TTC28: variants seen among roughly 807,000 people sequenced by gnomAD.
TTC28 encodes the protein tetratricopeptide repeat domain 28.
In TTC28, 61 loss-of-function variants were observed where a neutral mutation model predicts 198.0. The ratio of observed to expected loss-of-function variants is 0.31; its 90% confidence interval spans 0.25 to 0.38. TTC28 has a LOEUF of 0.38. Ranked by LOEUF, TTC28 falls within the 10% of genes least tolerant of loss-of-function variation. The pLI, the probability that TTC28 is intolerant of heterozygous loss-of-function variation, is 1.00. For missense variants in TTC28, 2,678 were observed against 3,164.0 expected (o/e 0.85, Z 3.69); for synonymous variants, 1,171 against 1,297.8 (o/e 0.90, Z 2.10).
At chr22:28,318,993 T>A (rs2045401303) in intron 2 of TTC28, among the ~76,000 whole-genome samples, 1 of 151,690 alleles carries the variant, frequency 6.6e-6, no homozygotes, top group African/African-American at 2.4e-5. Context: ...TAATTTTTAA[T>A]TAAAAAAAAT....
intron 5 of TTC28, among the ~76,000 whole-genome samples, chr22:28,203,227 T>G (rs1926121381): frequency 6.6e-6 from 1 of 152,128 alleles, no homozygotes; most frequent in Non-Finnish European, 1.5e-5. Flanking sequence ...AGCAAGTCAC[T>G]GAATCTTCTG....
intron 2 of TTC28, among the ~76,000 whole-genome samples, chr22:28,578,093 C>T (rs2050178809): frequency 6.6e-6 from 1 of 151,984 alleles, no homozygotes; most frequent in African/African-American, 2.4e-5. Context: ...TCAGGTGATA[C>T]TTTTTAACTT....
intron 12 of TTC28, among the ~76,000 whole-genome samples, chr22:28,076,953 T>G (rs546823944): frequency 1.2e-4 from 18 of 152,336 alleles, no homozygotes; most frequent in African/African-American, 4.1e-4. Flanking sequence ...TGCATCTATC[T>G]GTATTCTGAA....
chr22:28,005,697 C>A lies in TTC28; in HGVS notation c.4219-4144G>T, dbSNP rs1210090086. Reference sequence around the variant, plus strand: ...GATAATCTTCCCTCACTCCCAAGGCCTCCTGCCTCTGCAGGTCCCTGGACT... The same window carrying A: ...GATAATCTTCCCTCACTCCCAAGGCATCCTGCCTCTGCAGGTCCCTGGACT... On this transcript the variant is annotated intron_variant, in intron 14 of 22. Coordinates refer to ENST00000397906, the MANE Select transcript of TTC28 (RefSeq NM_001145418.2). This position sits in a 1 kb window ranked among gnomAD's most constrained non-coding sequence, Gnocchi z 4.9. Among the ~76,000 whole-genome samples, 1 of 152,178 alleles carries A rather than the reference C, an allele frequency of 6.6e-6. No individual in the cohort carries two copies. The highest frequency in any genetic ancestry group is 2.4e-5 in the African/African-American group (1 of 41,440).
At chr22:28,284,023 C>T (rs1025560538) in intron 5 of TTC28, among the ~76,000 whole-genome samples, 1 of 152,156 alleles carries the variant, frequency 6.6e-6, no homozygotes, top group Admixed American at 6.6e-5. Flanking sequence ...GAGAGAAGAG[C>T]ACTTTTTACC....
chr22:28,525,176 G>A lies in TTC28; in HGVS notation c.381+104376C>T, dbSNP rs147042774. Among the ~76,000 whole-genome samples, 83 of 152,146 alleles carry A rather than the reference G, an allele frequency of 5.5e-4. 1 individual carries two copies. In the East Asian group the frequency reaches 0.016, roughly 29 times the overall value. On this transcript the variant is annotated intron_variant, in intron 2 of 22. Coordinates refer to ENST00000397906, the MANE Select transcript of TTC28 (RefSeq NM_001145418.2). ...GGGTTTTATTGTGTGTGTGAAACGG[G>A]TCTCACTCTGTCACCGAGGCTGGAG...
chr22:28,539,906 C>T (rs1050577576), intron 2 of TTC28, among the ~76,000 whole-genome samples: 28 of 149,720 alleles, frequency 1.9e-4, no homozygotes, highest in Admixed American at 5.3e-4. Flanking sequence ...AGCATGGCAC[C>T]AGCATCTACT....
chr22:28,231,935 CACCT>C (rs1359059934), intron 5 of TTC28, among the ~76,000 whole-genome samples: 1 of 152,192 alleles, frequency 6.6e-6, no homozygotes, highest in Non-Finnish European at 1.5e-5. Flanking sequence ...TAGACTTACA[CACCT>C]AGGGGCCACA....
At chr22:28,130,171 T>C (rs141975669) in intron 6 of TTC28, among the ~76,000 whole-genome samples, 44 of 152,348 alleles carry the variant, frequency 2.9e-4, no homozygotes, top group Non-Finnish European at 5.7e-4. Flanking sequence ...TTTTACATTA[T>C]AGTCTTTCCT....
At chr22:28,153,628 T>C (rs1221018285) in intron 6 of TTC28, among the ~76,000 whole-genome samples, 1 of 152,130 alleles carries the variant, frequency 6.6e-6, no homozygotes. Flanking sequence ...TATTAATATG[T>C]CGATTTTATT....
At chr22:28,585,975 A>G (rs1464596033) in intron 2 of TTC28, among the ~76,000 whole-genome samples, 2 of 151,784 alleles carry the variant, frequency 1.3e-5, no homozygotes, top group Admixed American at 1.3e-4. Context: ...TTAAGGTACA[A>G]TTAAAAAAAA....
intron 2 of TTC28, among the ~76,000 whole-genome samples, chr22:28,337,485 G>T (rs1004016898): frequency 2.0e-5 from 3 of 152,158 alleles, no homozygotes; most frequent in African/African-American, 7.2e-5. Flanking sequence ...AAGTCTCTTT[G>T]TAGGTCTCTA....
rs375997392 is a variant in TTC28, at chr22:28,498,904, A to G, written c.381+130648T>C. ...ATAAATAAATTTATTTACTGAGTGC[A>G]GTGGCTCACGCCTGTAATCCCAGCA... On this transcript the variant is annotated intron_variant, in intron 2 of 22. Transcript: ENST00000397906. Among the ~76,000 whole-genome samples, 22 of 152,280 alleles carry G rather than the reference A, an allele frequency of 1.4e-4. No homozygotes were observed. The East Asian group carries it at 4.1e-3, about 28-fold the overall frequency.
chr22:28,654,318 G>C (rs752204897), intron 1 of TTC28, among the ~76,000 whole-genome samples: 1 of 152,098 alleles, frequency 6.6e-6, no homozygotes, highest in Non-Finnish European at 1.5e-5. Flanking sequence ...AGGTGACAAA[G>C]GGCTTAAAAT....
chr22:28,156,967 T>G (rs1053579959), intron 6 of TTC28, among the ~76,000 whole-genome samples: 2 of 152,078 alleles, frequency 1.3e-5, no homozygotes, highest in African/African-American at 4.8e-5. Context: ...GAAATAAAAT[T>G]AATTTGAAAT....
intron 2 of TTC28, among the ~76,000 whole-genome samples, chr22:28,477,559 T>C (rs1016160374): frequency 1.3e-5 from 2 of 152,152 alleles, no homozygotes; most frequent in Non-Finnish European, 2.9e-5. Flanking sequence ...CTAATCACAA[T>C]GTGTGGAGTT....
Position 27,980,857 on chromosome 22 carries a change from T to C in TTC28, c.*1364A>G, listed in dbSNP as rs1021239290. The C allele has an allele frequency of 2.0e-5, 3 of 152,280 alleles. No individual in the cohort carries two copies. Among genetic ancestry groups the C allele is most frequent in the Non-Finnish European group, 4.4e-5 (3 of 68,058 alleles). 9.4% of individuals were successfully genotyped at this position (152,280 alleles called of 1,614,324 possible). ...TGCCTCAAGCTGGCAACAATTTAAG[T>C]TACCGTCAGAGCTGTAGGAGAAGTC... On this transcript the variant is annotated 3_prime_UTR_variant, in exon 23 of 23. Coordinates refer to ENST00000397906, the MANE Select transcript of TTC28 (RefSeq NM_001145418.2).
chr22:28,342,486 A>G (rs1260065658), intron 2 of TTC28, among the ~76,000 whole-genome samples: 2 of 152,198 alleles, frequency 1.3e-5, no homozygotes, highest in African/African-American at 4.8e-5. Flanking sequence ...CTATTCTGAC[A>G]TATGCTATTT....
chr22:28,343,422 T>A (rs1267572475), intron 2 of TTC28, among the ~76,000 whole-genome samples: 1 of 151,234 alleles, frequency 6.6e-6, no homozygotes, highest in African/African-American at 2.4e-5. Flanking sequence ...CCCAGCCACT[T>A]GGGAGGCTGA....
Sources: gnomAD v4.1 joint callset for allele counts (sites outside exome capture counted in the v4.1 genomes callset) on GRCh38, gnomAD v4.1.1 for gene constraint, Gnocchi (gnomAD v3.1) non-coding constraint, MANE v1.5 for transcripts, NCBI Gene and HGNC (gene_info 2026-07-23, HGNC 2026-07-21) for gene names.